PTPRN2: variants seen among roughly 807,000 people sequenced by gnomAD.
PTPRN2 encodes protein tyrosine phosphatase receptor type N2, also known as receptor-type tyrosine-protein phosphatase N2.
Under a neutral mutation model 118.8 loss-of-function variants are expected in PTPRN2, and 74 were observed. The ratio of observed to expected loss-of-function variants is 0.62; its 90% CI spans 0.52 to 0.76. The LOEUF is 0.76. Ranked by LOEUF, PTPRN2 falls within the 30% of genes least tolerant of loss-of-function variation. The probability of loss-of-function intolerance (pLI) is 0.00; values close to 1 mark genes in which losing one functional copy is unlikely to be tolerated. For missense variants in PTPRN2, 1,481 were observed against 1,394.4 expected (o/e 1.06, Z -0.99); for synonymous variants, 641 against 608.0 (o/e 1.05, Z -0.80).
chr7:158,034,303 A>G (rs1476746538), intron 11 of PTPRN2, among the ~76,000 whole-genome samples: 1 of 152,178 alleles, frequency 6.6e-6, no homozygotes, highest in Non-Finnish European at 1.5e-5. Flanking sequence ...CTGCACAGTG[A>G]TGTGGTTTGG....
chr7:157,972,300 T>C (rs1324521416), intron 11 of PTPRN2, among the ~76,000 whole-genome samples: 1 of 152,190 alleles, frequency 6.6e-6, no homozygotes, highest in African/African-American at 2.4e-5. Flanking sequence ...ATTCTAAGGA[T>C]GACAGACACA....
rs1296487361 is a variant in PTPRN2, at chr7:157,845,559, C to T, written c.1788+53114G>A. Among the ~76,000 whole-genome samples, 2 of 152,240 alleles carry T rather than the reference C, an allele frequency of 1.3e-5. No homozygotes were observed. ...CGGTGAACCATGCAGCCTAACTCAC[C>T]ACGTTCCCGGCCACACAGGGCCAAG... On this transcript the variant is annotated intron_variant, in intron 12 of 22. Transcript: ENST00000389418. The surrounding 1 kb of genome is among the most constrained non-coding windows in gnomAD (Gnocchi z 4.5).
At chr7:157,660,847 C>T (rs1026705981) in intron 13 of PTPRN2, among the ~76,000 whole-genome samples, 8 of 152,278 alleles carry the variant, frequency 5.3e-5, no homozygotes, top group East Asian at 3.9e-4. Flanking sequence ...CTCCGCCTCC[C>T]GGGTTCAAGC....
chr7:158,523,539 TG>T, intron 1 of PTPRN2, among the ~76,000 whole-genome samples: 1 of 52,890 alleles, frequency 1.9e-5, no homozygotes, highest in Non-Finnish European at 4.1e-5. Flanking sequence ...GAGTCTGCCC[TG>T]GAATGGAGTC....
intron 12 of PTPRN2, among the ~76,000 whole-genome samples, chr7:157,885,365 C>A (rs1796394710): frequency 6.6e-6 from 1 of 152,188 alleles, no homozygotes; most frequent in South Asian, 2.1e-4. Flanking sequence ...GGACACAATG[C>A]ATCCTGGCAG....
chr7:158,256,831 A>G (rs1797053130), intron 3 of PTPRN2, among the ~76,000 whole-genome samples: 1 of 152,232 alleles, frequency 6.6e-6, no homozygotes, highest in Non-Finnish European at 1.5e-5. Context: ...TTCCCAAAAA[A>G]TATAGTCTCT....
At chr7:158,158,203 G>T (rs1206225560) in intron 6 of PTPRN2, among the ~76,000 whole-genome samples, 7 of 152,194 alleles carry the variant, frequency 4.6e-5, no homozygotes, top group African/African-American at 1.7e-4. Context: ...AAAAGTGTGG[G>T]CATATTTTCT....
intron 12 of PTPRN2, among the ~76,000 whole-genome samples, chr7:157,823,670 G>C (rs1806990647): frequency 6.6e-6 from 1 of 152,168 alleles, no homozygotes. Context: ...TCATATGACA[G>C]GCAAGGACTG....
Position 158,272,327 on chromosome 7 carries a change from C to G in PTPRN2, c.277+44492G>C, listed in dbSNP as rs143579313. Among the ~76,000 whole-genome samples, 552 of 152,314 alleles carry G rather than the reference C, an allele frequency of 3.6e-3. 2 individuals carry two copies. Among genetic ancestry groups the G allele is most frequent in the Non-Finnish European group, 6.4e-3 (435 of 68,034 alleles). On this transcript the variant is annotated intron_variant, in intron 3 of 22. Coordinates refer to ENST00000389418, the MANE Select transcript of PTPRN2 (RefSeq NM_002847.5). Reference sequence around the variant, plus strand: ...TACTTGCTCAGCCTTTTGCAACTGCCCGGTACCAACGGTCAAGGATGAGAA... The same window carrying G: ...TACTTGCTCAGCCTTTTGCAACTGCGCGGTACCAACGGTCAAGGATGAGAA...
At chr7:157,667,993 C>A (rs1249330450) in intron 13 of PTPRN2, among the ~76,000 whole-genome samples, 2 of 152,206 alleles carry the variant, frequency 1.3e-5, no homozygotes, top group African/African-American at 4.8e-5. Context: ...CCAGAGCCCC[C>A]ACCCTGAAAG....
At chr7:158,536,205 GA>G (rs939504662) in intron 1 of PTPRN2, among the ~76,000 whole-genome samples, 2 of 152,132 alleles carry the variant, frequency 1.3e-5, no homozygotes, top group Admixed American at 1.3e-4. Context: ...AAATTTTGCT[GA>G]AAATCATCAC....
At chr7:158,555,000 T>A (rs948058641) in intron 1 of PTPRN2, among the ~76,000 whole-genome samples, 2 of 152,114 alleles carry the variant, frequency 1.3e-5, no homozygotes, top group African/African-American at 2.4e-5. Context: ...CCTCCTCGAC[T>A]ACCAACTCCC....
At chr7:158,118,817 C>T (rs1056997638) in intron 9 of PTPRN2, among the ~76,000 whole-genome samples, 2 of 152,170 alleles carry the variant, frequency 1.3e-5, no homozygotes, top group African/African-American at 4.8e-5. Flanking sequence ...ATCCTCCCAC[C>T]TCAGCCTTCC....
chr7:158,049,626 G>A (rs138293726), intron 11 of PTPRN2, among the ~76,000 whole-genome samples: 2,108 of 152,320 alleles, frequency 0.014, 16 homozygotes, highest in Non-Finnish European at 0.022. Context: ...GAGGCCGGGC[G>A]CAGGGGCTCA....
At chr7:157,936,661 C>CT (rs1799722878) in intron 11 of PTPRN2, among the ~76,000 whole-genome samples, 1 of 130,470 alleles carries the variant, frequency 7.7e-6, no homozygotes, top group Admixed American at 7.6e-5. Flanking sequence ...CCTCCCGTGT[C>CT]TCTTCCACTC....
rs184683052 is a variant in PTPRN2 at position 157,677,749 on chromosome 7, T to A, written c.2001+4976A>T. 6.1e-4 allele frequency among the ~76,000 whole-genome samples: 93 copies of A among 152,350 alleles called. 1 individual carries two copies. The highest frequency in any genetic ancestry group is 2.1e-3 in the African/African-American group (88 of 41,566). ...GGACGACACGTACCCTTTACCCTCATCATCCTGGCTAAATTCTGCAGGTTT... is the reference window on the plus strand; with the variant it reads ...GGACGACACGTACCCTTTACCCTCAACATCCTGGCTAAATTCTGCAGGTTT... On this transcript the variant is annotated intron_variant, in intron 13 of 22. Transcript: ENST00000389418.
At chr7:158,129,102 CCA>C (rs1331353095) in intron 9 of PTPRN2, among the ~76,000 whole-genome samples, 2 of 150,186 alleles carry the variant, frequency 1.3e-5, no homozygotes, top group East Asian at 1.9e-4. Flanking sequence ...ACACTACACA[CCA>C]CACACAACAC....
intron 11 of PTPRN2, among the ~76,000 whole-genome samples, chr7:158,042,560 A>G (rs1808552865): frequency 6.6e-6 from 1 of 152,234 alleles, no homozygotes; most frequent in Non-Finnish European, 1.5e-5. Context: ...CCCCGCACTT[A>G]ACATCTTCGC....
chr7:157,724,883 A>G (rs977797334), intron 12 of PTPRN2, among the ~76,000 whole-genome samples: 4 of 152,228 alleles, frequency 2.6e-5, no homozygotes, highest in African/African-American at 9.7e-5. Context: ...TACATGATAA[A>G]TTTAAAGTAA....
Sources: allele counts gnomAD v4.1 joint callset (sites outside exome capture counted in the v4.1 genomes callset), GRCh38; gene constraint gnomAD v4.1.1; non-coding constraint Gnocchi (gnomAD v3.1); transcripts MANE v1.5; gene names NCBI Gene and HGNC (gene_info 2026-07-23, HGNC 2026-07-21).